The following ERAP1 variants were observed in gnomAD, a reference collection of about 807,000 sequenced individuals.
The protein encoded by ERAP1 is endoplasmic reticulum aminopeptidase 1.
Under a neutral mutation model 103.7 loss-of-function variants are expected in ERAP1, and 86 were observed. That is an observed-to-expected ratio of 0.83 (90% CI 0.70 to 0.99). ERAP1 has a LOEUF of 0.99. Ranked by LOEUF, ERAP1 falls within the 50% of genes least tolerant of loss-of-function variation. ERAP1 has a pLI of 0.00. For missense variants in ERAP1, 1,009 were observed against 1,128.4 expected (o/e 0.89, Z 1.52); for synonymous variants, 398 against 402.4 (o/e 0.99, Z 0.13).
the ERAP1 span, among the ~76,000 whole-genome samples, chr5:96,916,750 G>A: frequency 6.8e-6 from 1 of 146,232 alleles, no homozygotes; most frequent in Non-Finnish European, 1.5e-5. Flanking sequence ...TTACAGGCGT[G>A]AGCCACCAGC....
the ERAP1 span, among the ~76,000 whole-genome samples, chr5:96,927,573 G>A: frequency 2.4e-3 from 370 of 152,004 alleles, 5 homozygotes; most frequent in East Asian, 0.024. Flanking sequence ...TGCAAGCTCC[G>A]CCTCCCGGGT....
At chr5:96,907,654 G>A in the ERAP1 span, among the ~76,000 whole-genome samples, 2 of 151,962 alleles carry the variant, frequency 1.3e-5, no homozygotes, top group Admixed American at 1.3e-4. Flanking sequence ...GGCCGAGGCG[G>A]GTGGATCACC....
At chr5:96,912,409 CTTA>C in the ERAP1 span, among the ~76,000 whole-genome samples, 2 of 151,968 alleles carry the variant, frequency 1.3e-5, no homozygotes, top group Non-Finnish European at 2.9e-5. Context: ...AAATTTTATG[CTTA>C]TTTTCTTGCT....
intron 4 of ERAP1, 40 bp downstream of exon 4, chr5:96,797,135 A>G: frequency 6.2e-7 from 1 of 1,613,656 alleles, no homozygotes; most frequent in African/African-American, 1.3e-5. Context: ...CAAGCAAACC[A>G]GAACAAGCTG....
chr5:96,851,060 C>T, the ERAP1 span, among the ~76,000 whole-genome samples: 2 of 152,050 alleles, frequency 1.3e-5, no homozygotes, highest in African/African-American at 4.8e-5. Context: ...CTCAAAAATA[C>T]CTATTTGAAT....
the ERAP1 span, among the ~76,000 whole-genome samples, chr5:96,890,305 A>T: frequency 6.6e-6 from 1 of 152,142 alleles, no homozygotes; most frequent in Admixed American, 6.5e-5. Flanking sequence ...TCTCATAAGG[A>T]ACACGCAACT....
the ERAP1 span, among the ~76,000 whole-genome samples, chr5:96,837,870 G>A: frequency 6.6e-6 from 1 of 152,186 alleles, no homozygotes; most frequent in Non-Finnish European, 1.5e-5. Context: ...GACAGAGCAG[G>A]AAGATAAGCT....
intron 18 of ERAP1, among the ~76,000 whole-genome samples, chr5:96,778,265 T>G (rs749640539): frequency 2.6e-5 from 4 of 152,312 alleles, no homozygotes; most frequent in Middle Eastern, 3.4e-3. Context: ...GCAGTAAATA[T>G]GATTACTGTA....
chr5:96,889,259 T>C, the ERAP1 span: 1 of 1,614,004 alleles, frequency 6.2e-7, no homozygotes, highest in East Asian at 2.2e-5. Flanking sequence ...AGCTACTTGA[T>C]TTTTATGAAA....
the ERAP1 span, chr5:96,892,285 T>G: frequency 1.9e-6 from 3 of 1,613,376 alleles, no homozygotes; most frequent in East Asian, 6.7e-5. Context: ...AGTATGGTTG[T>G]TCTTATTTCT....
In ERAP1 at chr5:96,776,482, T is replaced by C. The variant is rs1185625414; in HGVS notation, c.2740A>G (p.Thr914Ala). 3.7e-6 allele frequency: 6 copies of C among 1,614,090 alleles called. No individual in the cohort carries two copies. Among genetic ancestry groups the C allele is most frequent in the Non-Finnish European group, 5.1e-6 (6 of 1,180,042 alleles). ...ATCCAACCGATGTTTTCTTCAATGG[T>C]TTCAATTGTCTGTTGGACACAACGG... ...QLRCVQQTIE[T>A]IEENIGWMDK... The change falls in exon 19 of 19, where the codon ACC becomes GCC. Residue 914 changes from threonine to alanine, a missense_variant. Physicochemically the swap from Thr to Ala is moderately conservative, Grantham distance 58 (BLOSUM62 0). Around this residue, in one of 3 missense-constraint regions of ERAP1, gnomAD observed 611 missense variants for 651.7 expected, o/e 0.94. Coordinates refer to ENST00000443439, the MANE Select transcript of ERAP1 (RefSeq NM_001040458.3).
chr5:96,882,845 T>C, the ERAP1 span, among the ~76,000 whole-genome samples: 1 of 152,164 alleles, frequency 6.6e-6, no homozygotes, highest in Non-Finnish European at 1.5e-5. Flanking sequence ...ACAGCTTCTC[T>C]TTTTTCCCTC....
the ERAP1 span, among the ~76,000 whole-genome samples, chr5:96,856,813 T>C: frequency 1.3e-5 from 2 of 152,240 alleles, no homozygotes; most frequent in Non-Finnish European, 2.9e-5. Flanking sequence ...ACTGTTGGCT[T>C]TCTGATCCAA....
At chr5:96,911,353 T>C in the ERAP1 span, among the ~76,000 whole-genome samples, 2 of 152,210 alleles carry the variant, frequency 1.3e-5, no homozygotes, top group African/African-American at 4.8e-5. Context: ...ACAGTTCTTA[T>C]TGATCCGTTG....
the ERAP1 span, among the ~76,000 whole-genome samples, chr5:96,898,327 G>A: frequency 2.0e-5 from 3 of 151,998 alleles, no homozygotes; most frequent in Admixed American, 6.6e-5. Context: ...TCCAACTGAT[G>A]TGTGATTTTG....
chr5:96,770,554 C>T (rs780842817), downstream of ERAP1: 38 of 1,612,912 alleles, frequency 2.4e-5, no homozygotes, highest in Non-Finnish European at 3.1e-5. Context: ...AGGCTGCTTC[C>T]AGCTCCAAAG....
chr5:96,934,075 C>T, the ERAP1 span: 206 of 152,402 alleles, frequency 1.4e-3, no homozygotes, highest in African/African-American at 4.9e-3. Flanking sequence ...CTAAACACCA[C>T]TATGTCCTTC....
In ERAP1 at chr5:96,783,979, G is replaced by T; in HGVS notation, c.2045C>A (p.Pro682His). Reference sequence around the variant, plus strand: ...TCTTTTCTCCATTAACTTATACATAGGAATCAGCTCATTCAAACCTTGAAA... The same window carrying T: ...TCTTTTCTCCATTAACTTATACATATGAATCAGCTCATTCAAACCTTGAAA... ...PVFQGLNELI[P>H]MYKLMEKRDM... The change falls in exon 14 of 19, where the codon CCT (proline) becomes CAT (histidine). Residue 682 changes from proline (P) to histidine (H), a missense_variant. Coordinates refer to ENST00000443439, the MANE Select transcript of ERAP1 (RefSeq NM_001040458.3). 1 of 1,613,620 alleles carries T rather than the reference G, an allele frequency of 6.2e-7. No homozygotes were observed. Among genetic ancestry groups the T allele is most frequent in the South Asian group, 1.1e-5 (1 of 91,074 alleles).
chr5:96,784,599 T>G (rs1240717785), intron 13 of ERAP1, among the ~76,000 whole-genome samples: 2 of 75,924 alleles, frequency 2.6e-5, no homozygotes, highest in Non-Finnish European at 6.2e-5. Context: ...CAGTAACGTC[T>G]AGGGCTAACG....
Sources: gnomAD v4.1 joint callset for allele counts (sites outside exome capture counted in the v4.1 genomes callset) on GRCh38, gnomAD v4.1.1 for gene constraint, gnomAD v4.1.1 regional missense constraint, MANE v1.5 for transcripts, NCBI Gene and HGNC (gene_info 2026-07-23, HGNC 2026-07-21) for gene names.